Variants in RPS6KA2 observed in about 807,000 individuals in gnomAD.
RPS6KA2 encodes ribosomal protein S6 kinase A2.
A neutral mutation model predicts 91.8 loss-of-function variants in RPS6KA2; 42 were observed. The observed-to-expected ratio is 0.46, with a 90% CI of 0.36 to 0.59. The LOEUF (loss-of-function observed/expected upper bound fraction) is 0.59, where lower values mean the gene tolerates loss of function less well. RPS6KA2 is among the 20% of genes least tolerant of loss of function. The pLI, the probability that RPS6KA2 is intolerant of heterozygous loss-of-function variation, is 0.00. For synonymous variants in RPS6KA2, 414 were observed against 393.6 expected, an observed-to-expected ratio of 1.05 and a Z score of -0.61; for missense variants, 798 against 978.5, an observed-to-expected ratio of 0.82 and a Z score of 2.46.
intron 2 of RPS6KA2, among the ~76,000 whole-genome samples, chr6:166,775,552 G>T (rs1238610117): frequency 6.6e-6 from 1 of 152,208 alleles, no homozygotes; most frequent in Admixed American, 6.5e-5. Flanking sequence ...TTGTAGGAAG[G>T]CTGAATTTGG....
intron 2 of RPS6KA2, among the ~76,000 whole-genome samples, chr6:166,655,986 C>T (rs755194405): frequency 2.6e-5 from 4 of 152,204 alleles, no homozygotes; most frequent in Admixed American, 6.5e-5. Context: ...AAGGAACAGG[C>T]GCCCTGCGGT....
rs757476149 is a variant in RPS6KA2, at chr6:166,538,798, G to A, written c.100-14C>T. The A allele has an allele frequency of 3.1e-5, 44 of 1,433,380 alleles. No homozygotes were observed. Among genetic ancestry groups the A allele is most frequent in the Non-Finnish European group, 4.1e-5 (42 of 1,016,690 alleles). The allele number at this position is 1,433,380 out of a possible 1,614,324, so 88.8% of individuals were successfully genotyped here. On this transcript the variant is annotated splice_polypyrimidine_tract_variant and intron_variant, in intron 1 of 20. Transcript: ENST00000265678. ...GACGCCTTCTTCCTGCAAGAGAGCG[G>A]CACGGGTGAGAAACACACCGCGAGG...
At chr6:166,417,685 C>G (rs1174056895) in intron 19 of RPS6KA2, among the ~76,000 whole-genome samples, 1 of 151,786 alleles carries the variant, frequency 6.6e-6, no homozygotes, top group Non-Finnish European at 1.5e-5. Context: ...TTTGGAGAAC[C>G]CTGCATAAGA....
chr6:166,658,202 C>T (rs374342087), intron 2 of RPS6KA2, among the ~76,000 whole-genome samples: 2 of 152,140 alleles, frequency 1.3e-5, no homozygotes, highest in African/African-American at 2.4e-5. Flanking sequence ...TACTCCTGGG[C>T]GTGATTTGTG....
At position 166,418,079 on chromosome 6, in the gene RPS6KA2, G is replaced by A. The variant is rs1317120007; in HGVS notation, c.1938+146C>T. ...CTCCAGCCTGGGTGAGACAGAGCGA[G>A]ACTCCATTTCAAGAAAAAAAAAAAA... On this transcript the variant is annotated intron_variant, in intron 19 of 20. Coordinates refer to ENST00000265678, the MANE Select transcript of RPS6KA2 (RefSeq NM_021135.6). This position sits in a 1 kb window ranked among gnomAD's most constrained non-coding sequence, Gnocchi z 4.9. 2 of 631,060 alleles carry A rather than the reference G, an allele frequency of 3.2e-6. No individual in the cohort carries two copies. Among genetic ancestry groups the A allele is most frequent in the African/African-American group, 3.7e-5 (2 of 53,822 alleles). 39.1% of individuals were successfully genotyped at this position (631,060 alleles called of 1,614,324 possible).
At chr6:166,473,013 G>A (rs1203055789) in intron 10 of RPS6KA2, among the ~76,000 whole-genome samples, 1 of 152,208 alleles carries the variant, frequency 6.6e-6, no homozygotes, top group Non-Finnish European at 1.5e-5. Context: ...CTTCTCGGTA[G>A]TAATAACACC....
rs370572554 is a variant in RPS6KA2 at position 166,709,353 on chromosome 6, T to TG, written c.123+148846_123+148847insC. Among the ~76,000 whole-genome samples, 83 of 148,700 alleles carry TG rather than the reference T, an allele frequency of 5.6e-4. 1 individual carries two copies. Among genetic ancestry groups the TG allele is most frequent in the African/African-American group, 2.0e-3 (77 of 38,236 alleles). ...CTTAAAAATAAACACATGGGCTGAG[T>TG]AAGTTGGCTCACGCCTGTCATCCCG... is the stretch of plus-strand genomic sequence containing the variant. On this transcript the variant is annotated intron_variant, in intron 2 of 21. Transcript: ENST00000503859.
At chr6:166,590,341 C>A (rs888995603) in intron 1 of RPS6KA2, among the ~76,000 whole-genome samples, 1 of 152,180 alleles carries the variant, frequency 6.6e-6, no homozygotes, top group Admixed American at 6.5e-5. Flanking sequence ...CTGGCAGATA[C>A]AGCATCCACG....
chr6:166,554,678 G>A lies in RPS6KA2; in HGVS notation c.100-15894C>T, dbSNP rs1784127021. On this transcript the variant is annotated intron_variant, in intron 1 of 20. Transcript: ENST00000265678. The surrounding 1 kb of genome is among the most constrained non-coding windows in gnomAD (Gnocchi z 4.3). ...TCCTCCACTGCAGCCTGAAAGCAGG[G>A]GGCAAAACCAACCTGCTGTCTGAAA... 1.3e-5 allele frequency among the ~76,000 whole-genome samples: 2 copies of A among 152,196 alleles called. No homozygotes were observed. The highest frequency in any genetic ancestry group is 4.1e-4 in the South Asian group (2 of 4,822).
intron 2 of RPS6KA2, among the ~76,000 whole-genome samples, chr6:166,834,153 A>G (rs190430915): frequency 6.6e-6 from 1 of 152,320 alleles, no homozygotes; most frequent in African/African-American, 2.4e-5. Context: ...ATTCCCACCA[A>G]CAACGGAAGA....
chr6:166,421,394 C>T (rs564712917), intron 17 of RPS6KA2, among the ~76,000 whole-genome samples: 2 of 152,286 alleles, frequency 1.3e-5, no homozygotes, highest in South Asian at 4.1e-4. Flanking sequence ...TAAGAAGCAG[C>T]AGATGCAGGA....
Position 166,413,950 on chromosome 6 carries a change from A to C in RPS6KA2, c.1939-19T>G. The C allele has an allele frequency of 6.2e-7, 1 of 1,611,342 alleles. No homozygotes were observed. Among genetic ancestry groups the C allele is most frequent in the Non-Finnish European group, 8.5e-7 (1 of 1,179,204 alleles). ...CGACGTCCTGCCAGGGAAGGTCATG[A>C]GAGTCGGGGGGATGGTTGGATCATT... On this transcript the variant is annotated intron_variant, in intron 19 of 20. Transcript: ENST00000265678.
chr6:166,659,028 C>T (rs973679498), intron 2 of RPS6KA2, among the ~76,000 whole-genome samples: 1 of 152,036 alleles, frequency 6.6e-6, no homozygotes, highest in Non-Finnish European at 1.5e-5. Flanking sequence ...AAACTGTGGT[C>T]CCAGTGACCC....
intron 2 of RPS6KA2, among the ~76,000 whole-genome samples, chr6:166,854,039 G>C (rs776247214): frequency 1.4e-4 from 22 of 152,208 alleles, no homozygotes; most frequent in Non-Finnish European, 2.9e-4. Flanking sequence ...AGAATCTGCT[G>C]GGTTTTGTGG....
At chr6:166,715,987 G>T (rs141593070) in intron 2 of RPS6KA2, among the ~76,000 whole-genome samples, 11 of 137,566 alleles carry the variant, frequency 8.0e-5, no homozygotes, top group Non-Finnish European at 1.4e-4. Flanking sequence ...GCAGTGAGCC[G>T]AGACTGCACC....
At chr6:166,716,032 C>A (rs1790000562) in intron 2 of RPS6KA2, among the ~76,000 whole-genome samples, 1 of 53,526 alleles carries the variant, frequency 1.9e-5, no homozygotes, top group Non-Finnish European at 3.0e-5. Context: ...AGTGAGACTC[C>A]ATCAAAAAAA....
chr6:166,475,374 T>C (rs542033670), intron 10 of RPS6KA2, among the ~76,000 whole-genome samples: 4 of 152,208 alleles, frequency 2.6e-5, no homozygotes, highest in African/African-American at 9.6e-5. Flanking sequence ...TCCTCTCCAC[T>C]CACCCGTCAC....
intron 2 of RPS6KA2, among the ~76,000 whole-genome samples, chr6:166,682,607 C>T (rs1391847872): frequency 6.6e-6 from 1 of 152,106 alleles, no homozygotes; most frequent in African/African-American, 2.4e-5. Flanking sequence ...AATTAGCTGT[C>T]GAATAAGTGG....
chr6:166,675,271 C>T (rs1266173361), intron 2 of RPS6KA2, among the ~76,000 whole-genome samples: 2 of 152,170 alleles, frequency 1.3e-5, no homozygotes, highest in Non-Finnish European at 2.9e-5. Context: ...TGGGAGGAGG[C>T]CGGCCTCCCC....
Sources: allele counts gnomAD v4.1 joint callset (sites outside exome capture counted in the v4.1 genomes callset), GRCh38; gene constraint gnomAD v4.1.1; non-coding constraint Gnocchi (gnomAD v3.1); transcripts MANE v1.5; gene names NCBI Gene and HGNC (gene_info 2026-07-23, HGNC 2026-07-21).